The following LIMCH1 variants were observed in gnomAD, a reference collection of about 807,000 sequenced individuals.
LIMCH1 encodes LIM and calponin homology domains 1.
LIMCH1 carries 113 observed loss-of-function variants against 176.5 expected under a neutral mutation model. The ratio of observed to expected loss-of-function variants is 0.64; its 90% CI spans 0.55 to 0.75. The LOEUF is 0.75. Ranked by LOEUF, LIMCH1 falls within the 30% of genes least tolerant of loss-of-function variation. The pLI is 0.00. For missense variants in LIMCH1, 1,674 were observed against 1,814.9 expected (o/e 0.92, Z 1.41); for synonymous variants, 619 against 645.9 (o/e 0.96, Z 0.63).
chr4:41,587,619 C>T (rs1035260477), intron 1 of LIMCH1, among the ~76,000 whole-genome samples: 96 of 152,082 alleles, frequency 6.3e-4, no homozygotes, highest in African/African-American at 2.2e-3. Context: ...AGCTGCATCC[C>T]CACCCTGTGC....
intron 4 of LIMCH1, among the ~76,000 whole-genome samples, chr4:41,610,480 A>G (rs1318268421): frequency 6.6e-6 from 1 of 152,242 alleles, no homozygotes. Context: ...AGCTACATTT[A>G]TAAATGTTTT....
chr4:41,544,407 C>G (rs1181171268), intron 1 of LIMCH1, among the ~76,000 whole-genome samples: 3 of 152,124 alleles, frequency 2.0e-5, no homozygotes, highest in Non-Finnish European at 4.4e-5. Context: ...TTTTTCTTGG[C>G]AAGACTTGAA....
chr4:41,652,159 G>A (rs920847704), intron 18 of LIMCH1, among the ~76,000 whole-genome samples: 36 of 152,162 alleles, frequency 2.4e-4, no homozygotes, highest in African/African-American at 7.2e-4. Flanking sequence ...GGAGCTGAGC[G>A]TTGTGTGACC....
chr4:41,455,257 C>T (rs577542485), intron 1 of LIMCH1, among the ~76,000 whole-genome samples: 1 of 152,252 alleles, frequency 6.6e-6, no homozygotes, highest in Admixed American at 6.5e-5. Flanking sequence ...TTTAATGTAT[C>T]AAACAATATT....
At position 41,661,454 on chromosome 4, in the gene LIMCH1, A is replaced by G. The variant is rs780277346; in HGVS notation, c.3071A>G (p.Glu1024Gly). The G allele has an allele frequency of 5.6e-6, 9 of 1,613,592 alleles. No individual in the cohort carries two copies. The East Asian group carries it at 1.8e-4, about 32-fold the overall frequency. The change falls in exon 19 of 32, where the codon GAG (glutamate) becomes GGG (glycine). Residue 1024 changes from glutamate to glycine, a missense_variant. By Grantham distance (98) the Glu-to-Gly change is moderately conservative. Coordinates refer to ENST00000503057, the MANE Select transcript of LIMCH1 (RefSeq NM_001330672.2). ...GAGAAAACGGAACCGAATAGTCAAGAGGACAAGAATGATGGTGGAAAATCA... is the reference window on the plus strand; with the variant it reads ...GAGAAAACGGAACCGAATAGTCAAGGGGACAAGAATGATGGTGGAAAATCA... The part of the protein sequence containing the change: ...TTEKTEPNSQ[E>G]DKNDGGKSRK...
At chr4:41,435,730 A>T (rs2154138497) in intron 1 of LIMCH1, among the ~76,000 whole-genome samples, 1 of 152,332 alleles carries the variant, frequency 6.6e-6, no homozygotes, top group Middle Eastern at 3.4e-3. Context: ...TGAATGGTTA[A>T]TGATTGAGCA....
At chr4:41,531,635 G>T (rs1252835398) in intron 3 of LIMCH1, among the ~76,000 whole-genome samples, 1 of 152,044 alleles carries the variant, frequency 6.6e-6, no homozygotes, top group African/African-American at 2.4e-5. Context: ...TGTCTGCTAT[G>T]ACTAATGGTT....
At chr4:41,612,545 G>T (rs1370377577) in intron 4 of LIMCH1, 2 of 702,554 alleles carry the variant, frequency 2.8e-6, no homozygotes, top group Admixed American at 2.0e-5. Flanking sequence ...AGTCAGCCTG[G>T]ACTATTGTAA....
At chr4:41,390,601 T>C (rs1215213114) in intron 1 of LIMCH1, among the ~76,000 whole-genome samples, 2 of 152,226 alleles carry the variant, frequency 1.3e-5, no homozygotes, top group East Asian at 1.9e-4. Flanking sequence ...TGTAAACATA[T>C]CACTTTATCT....
chr4:41,427,459 C>T (rs972423791), intron 1 of LIMCH1, among the ~76,000 whole-genome samples: 3 of 152,206 alleles, frequency 2.0e-5, no homozygotes, highest in African/African-American at 7.2e-5. Flanking sequence ...TTCCTCCCTC[C>T]TATCCTACTG....
intron 21 of LIMCH1, chr4:41,670,989 A>G: frequency 1.0e-6 from 1 of 981,594 alleles, no homozygotes; most frequent in Non-Finnish European, 1.2e-6. Flanking sequence ...GAATCACACA[A>G]CTTTATGTTG....
chr4:41,551,440 C>T (rs2152515318), intron 1 of LIMCH1: 1 of 152,202 alleles, frequency 6.6e-6, no homozygotes, highest in African/African-American at 2.4e-5. Context: ...GAAGTTAGCA[C>T]TTACTTTTAT....
chr4:41,651,933 AC>A (rs751108285), intron 18 of LIMCH1, among the ~76,000 whole-genome samples: 3 of 152,158 alleles, frequency 2.0e-5, no homozygotes, highest in Non-Finnish European at 4.4e-5. Context: ...CACTAATCTA[AC>A]CGAAACTGTC....
chr4:41,533,258 T>C (rs1349298505), upstream of LIMCH1, among the ~76,000 whole-genome samples: 1 of 152,210 alleles, frequency 6.6e-6, no homozygotes, highest in African/African-American at 2.4e-5. Context: ...TTTTGTCAGT[T>C]CTGCCTTATT....
chr4:41,574,230 AT>A (rs2084035240), intron 1 of LIMCH1, among the ~76,000 whole-genome samples: 1 of 64,770 alleles, frequency 1.5e-5, no homozygotes, highest in Non-Finnish European at 2.8e-5. Flanking sequence ...ATCCTTGAAG[AT>A]CCCCTCCCCT....
chr4:41,574,232 C>T (rs1315424321), intron 1 of LIMCH1, among the ~76,000 whole-genome samples: 7 of 394 alleles, frequency 0.018, no homozygotes, highest in Non-Finnish European at 0.029. Context: ...CCTTGAAGAT[C>T]CCCTCCCCTC....
chr4:41,608,038 A>G (rs2090961499), intron 4 of LIMCH1, among the ~76,000 whole-genome samples: 1 of 152,248 alleles, frequency 6.6e-6, no homozygotes, highest in Admixed American at 6.5e-5. Flanking sequence ...CAACAATTTT[A>G]TTTCTAATTC....
chr4:41,411,294 G>A (rs1039368226), intron 1 of LIMCH1, among the ~76,000 whole-genome samples: 1 of 152,128 alleles, frequency 6.6e-6, no homozygotes, highest in Non-Finnish European at 1.5e-5. Flanking sequence ...TTGCTTGCAT[G>A]GCATTCTATC....
intron 1 of LIMCH1, among the ~76,000 whole-genome samples, chr4:41,485,507 G>A (rs1213852005): frequency 6.6e-6 from 1 of 152,152 alleles, no homozygotes; most frequent in East Asian, 1.9e-4. Context: ...GGCACACAGG[G>A]CATAGTTGGT....
Sources: allele counts gnomAD v4.1 joint callset (sites outside exome capture counted in the v4.1 genomes callset), GRCh38; gene constraint gnomAD v4.1.1; transcripts MANE v1.5; gene names NCBI Gene and HGNC (gene_info 2026-07-23, HGNC 2026-07-21).